KIF24: variants seen among roughly 807,000 people sequenced by gnomAD.
The protein encoded by KIF24 is kinesin-like protein KIF24.
In KIF24, 81 loss-of-function variants were observed where a neutral mutation model predicts 118.9. That is an observed-to-expected ratio of 0.68 (90% confidence interval 0.57 to 0.82). The LOEUF (loss-of-function observed/expected upper bound fraction) is 0.82. KIF24 is among the 40% of genes least tolerant of loss of function. The probability of loss-of-function intolerance (pLI) is 0.00; values close to 1 mark genes in which losing one functional copy is unlikely to be tolerated. For missense variants in KIF24, 1,560 were observed against 1,661.6 expected (o/e 0.94, Z 1.06); for synonymous variants, 599 against 610.0 (o/e 0.98, Z 0.27).
chr9:34,295,758 A>C (rs1234608424), intron 4 of KIF24, among the ~76,000 whole-genome samples: 3 of 151,882 alleles, frequency 2.0e-5, no homozygotes, highest in Non-Finnish European at 4.4e-5. Flanking sequence ...GACTGGTCTC[A>C]AACTCTTGGG....
rs781346985 is a variant in KIF24, at chr9:34,257,059, T to G, written c.2548A>C (p.Asn850His). The G allele has an allele frequency of 6.2e-7, 1 of 1,614,060 alleles. No individual in the cohort carries two copies. Among genetic ancestry groups the G allele is most frequent in the Non-Finnish European group, 8.5e-7 (1 of 1,179,904 alleles). The change falls in exon 11 of 13, where the codon AAT (asparagine) becomes CAT (histidine). Residue 850 changes from asparagine (N) to histidine (H), a missense_variant. Coordinates refer to ENST00000402558, the MANE Select transcript of KIF24 (RefSeq NM_194313.4). ...RATKQRNTLE[N>H]SEDSFFLHQT... ...TGCAGGAAGAATGAGTCTTCGCTAT[T>G]CTCCAGGGTGTTCCTTTGCTTTGTG...
At chr9:34,269,220 A>G in intron 8 of KIF24, 37 bp downstream of exon 8, 1 of 1,290,122 alleles carries the variant, frequency 7.8e-7, no homozygotes, top group Non-Finnish European at 1.1e-6. Context: ...CAGTCTTTCA[A>G]GAAGGATTTT....
chr9:34,276,864 C>G (rs1835677551), intron 6 of KIF24, among the ~76,000 whole-genome samples: 1 of 152,174 alleles, frequency 6.6e-6, no homozygotes, highest in African/African-American at 2.4e-5. Flanking sequence ...CTGGATATGG[C>G]AAGTGCTGAG....
chr9:34,287,883 G>A (rs1010913185), intron 5 of KIF24, among the ~76,000 whole-genome samples: 7 of 147,918 alleles, frequency 4.7e-5, no homozygotes, highest in Admixed American at 2.7e-4. Flanking sequence ...TTACAGCCGC[G>A]TAACACAGCA....
intron 1 of KIF24, among the ~76,000 whole-genome samples, chr9:34,317,658 C>G (rs902111756): frequency 6.6e-6 from 1 of 152,234 alleles, no homozygotes; most frequent in African/African-American, 2.4e-5. Flanking sequence ...AGCCTATCCA[C>G]ACTGCATAAA....
At chr9:34,270,039 T>C (rs1432117576) in intron 7 of KIF24, among the ~76,000 whole-genome samples, 1 of 151,154 alleles carries the variant, frequency 6.6e-6, no homozygotes, top group African/African-American at 2.4e-5. Flanking sequence ...CTGGCCAACA[T>C]GGTGAAACCC....
At chr9:34,284,971 A>G (rs563133251) in intron 6 of KIF24, among the ~76,000 whole-genome samples, 133 of 152,314 alleles carry the variant, frequency 8.7e-4, no homozygotes, top group African/African-American at 3.0e-3. Flanking sequence ...GCATTAAAGG[A>G]AGGTTCAACA....
chr9:34,317,173 G>A (rs575265823), intron 1 of KIF24, among the ~76,000 whole-genome samples: 99 of 151,288 alleles, frequency 6.5e-4, no homozygotes, highest in African/African-American at 2.1e-3. Context: ...AGCTGAGATC[G>A]CGCCATTGCA....
intron 1 of KIF24, among the ~76,000 whole-genome samples, 147 bp downstream of exon 1, chr9:34,328,959 G>T (rs985333485): frequency 1.9e-4 from 29 of 152,228 alleles, no homozygotes; most frequent in African/African-American, 6.8e-4. Context: ...ACTTTAGGAA[G>T]AGCCAAGAGG....
intron 1 of KIF24, among the ~76,000 whole-genome samples, chr9:34,328,653 C>G (rs1307770629): frequency 1.3e-5 from 2 of 152,140 alleles, no homozygotes; most frequent in Non-Finnish European, 2.9e-5. Context: ...TTAAATTCAA[C>G]TCAACAAATA....
chr9:34,267,819 C>A (rs778145783), intron 8 of KIF24, among the ~76,000 whole-genome samples: 14 of 152,128 alleles, frequency 9.2e-5, no homozygotes, highest in Admixed American at 2.0e-4. Flanking sequence ...GTGAACAACA[C>A]GGCTATAGAG....
intron 3 of KIF24, among the ~76,000 whole-genome samples, chr9:34,302,239 G>A (rs574828757): frequency 2.6e-5 from 4 of 151,748 alleles, no homozygotes; most frequent in South Asian, 2.1e-4. Context: ...TGTGATCCAC[G>A]GCCTCGGCCT....
At chr9:34,263,738 ATT>A (rs11422359) in intron 8 of KIF24, among the ~76,000 whole-genome samples, 12 of 137,634 alleles carry the variant, frequency 8.7e-5, no homozygotes, top group Non-Finnish European at 1.1e-4. Context: ...TTTTTTCTTA[ATT>A]TTTTTTTTTT....
At chr9:34,315,219 T>G (rs1258914844) in intron 1 of KIF24, among the ~76,000 whole-genome samples, 4 of 152,076 alleles carry the variant, frequency 2.6e-5, no homozygotes, top group Admixed American at 2.6e-4. Flanking sequence ...AACATATATT[T>G]CTAAATAAAA....
chr9:34,327,728 T>C (rs55970468), intron 1 of KIF24, among the ~76,000 whole-genome samples: 71,778 of 151,528 alleles, frequency 0.47, 19,933 homozygotes, highest in South Asian at 0.64. Flanking sequence ...ATTTTCCAGA[T>C]GGAAAAAATG....
At chr9:34,304,796 A>C (rs1181697844) in intron 3 of KIF24, among the ~76,000 whole-genome samples, 1 of 152,220 alleles carries the variant, frequency 6.6e-6, no homozygotes, top group African/African-American at 2.4e-5. Context: ...TACAAGTTTG[A>C]AAAAGGGTGA....
chr9:34,254,641 G>A, intron 12 of KIF24, 121 bp from the exon 13 acceptor site: 1 of 982,020 alleles, frequency 1.0e-6, no homozygotes, highest in Non-Finnish European at 1.5e-6. Flanking sequence ...TCCAGCGGGA[G>A]AACATGTAGG....
At chr9:34,296,220 A>G (rs113532167) in intron 4 of KIF24, among the ~76,000 whole-genome samples, 6 of 128,914 alleles carry the variant, frequency 4.7e-5, no homozygotes, top group African/African-American at 1.7e-4. Flanking sequence ...CTCTGTCTCA[A>G]AAAAAAAAAA....
intron 8 of KIF24, among the ~76,000 whole-genome samples, chr9:34,263,594 A>G (rs1835174729): frequency 6.6e-6 from 1 of 152,166 alleles, no homozygotes; most frequent in Non-Finnish European, 1.5e-5. Flanking sequence ...CCCTGCTCAC[A>G]CATGCACACC....
Sources: allele counts gnomAD v4.1 joint callset (sites outside exome capture counted in the v4.1 genomes callset), GRCh38; gene constraint gnomAD v4.1.1; transcripts MANE v1.5; gene names NCBI Gene and HGNC (gene_info 2026-07-23, HGNC 2026-07-21).